Variants in JCAD observed in about 807,000 individuals in gnomAD.
JCAD encodes the protein junctional cadherin 5 associated.
A neutral mutation model predicts 98.0 loss-of-function variants in JCAD; 40 were observed. The ratio of observed to expected loss-of-function variants is 0.41; its 90% CI spans 0.32 to 0.53. The LOEUF (loss-of-function observed/expected upper bound fraction) is 0.53, where lower values mean the gene tolerates loss of function less well. Among genes scored for constraint, JCAD ranks in the 20% least tolerant of loss-of-function variants. The pLI is 0.31. For synonymous variants in JCAD, 691 were observed against 682.3 expected (o/e 1.01, Z -0.20); for missense variants, 1,705 against 1,738.1 (o/e 0.98, Z 0.34).
chr10:30,031,190 A>T (rs1836982407), intron 2 of JCAD, among the ~76,000 whole-genome samples: 3 of 152,176 alleles, frequency 2.0e-5, no homozygotes, highest in South Asian at 4.2e-4. Context: ...GCAGTGGTGT[A>T]ATCATGGCTC....
At chr10:30,090,800 C>T (rs952346535) in intron 1 of JCAD, among the ~76,000 whole-genome samples, 11 of 152,168 alleles carry the variant, frequency 7.2e-5, no homozygotes, top group Non-Finnish European at 5.9e-5. Context: ...CATTGTCTGT[C>T]CGTTAGCTTC....
chr10:30,053,268 TAAAAGTGA>T (rs1378681756), intron 1 of JCAD, among the ~76,000 whole-genome samples: 9 of 152,090 alleles, frequency 5.9e-5, no homozygotes, highest in African/African-American at 1.7e-4. Context: ...TTTCCCTTCT[TAAAAGTGA>T]TTAGCCAGGT....
intron 2 of JCAD, among the ~76,000 whole-genome samples, chr10:30,037,686 TAATA>T (rs1465434683): frequency 6.6e-6 from 1 of 152,058 alleles, no homozygotes; most frequent in Non-Finnish European, 1.5e-5. Flanking sequence ...AGAGGAAGCA[TAATA>T]AATTTGAGGA....
chr10:30,070,354 C>T (rs929638163), intron 1 of JCAD, among the ~76,000 whole-genome samples: 14 of 152,134 alleles, frequency 9.2e-5, no homozygotes, highest in Admixed American at 7.9e-4. Context: ...TCCCAGTCAG[C>T]GCTGATAAGA....
intron 1 of JCAD, among the ~76,000 whole-genome samples, chr10:30,082,444 C>T (rs565952770): frequency 5.3e-5 from 8 of 152,210 alleles, no homozygotes; most frequent in South Asian, 4.1e-4. Flanking sequence ...ATGGGCCGGG[C>T]GCAGTTGCTC....
intron 2 of JCAD, among the ~76,000 whole-genome samples, chr10:30,044,146 A>G (rs1589690960): frequency 1.3e-5 from 2 of 152,070 alleles, no homozygotes; most frequent in African/African-American, 4.8e-5. Context: ...CACCACCTTG[A>G]CCCTGGATTT....
chr10:30,064,151 C>T (rs1837747218), upstream of JCAD, among the ~76,000 whole-genome samples: 1 of 152,002 alleles, frequency 6.6e-6, no homozygotes, highest in Non-Finnish European at 1.5e-5. Flanking sequence ...AAGGTTCTGC[C>T]CTCATGAATG....
At chr10:30,020,144 T>C (rs140893008) in intron 3 of JCAD, among the ~76,000 whole-genome samples, 3 of 151,710 alleles carry the variant, frequency 2.0e-5, no homozygotes, top group African/African-American at 7.3e-5. Flanking sequence ...CTGGCCGACA[T>C]GGCGAAACCC....
At chr10:30,094,541 G>A (rs759544411) in intron 1 of JCAD, among the ~76,000 whole-genome samples, 1 of 152,128 alleles carries the variant, frequency 6.6e-6, no homozygotes, top group Non-Finnish European at 1.5e-5. Flanking sequence ...AAGGAACAAA[G>A]CCTCCCAGGT....
At position 30,059,500 on chromosome 10, in the gene JCAD, C is replaced by T. The variant is rs1837658665; in HGVS notation, c.-78G>A. ...GACTTACCGAGCGGCTCCCTCATGC[C>T]GCCTCGCGCCGCCACCGCCGCCGCT... On this transcript the variant is annotated 5_prime_UTR_variant, in exon 1 of 4. Transcript: ENST00000375377. This position sits in a 1 kb window ranked among gnomAD's most constrained non-coding sequence, Gnocchi z 5.0. 6.6e-6 allele frequency: 1 copy of T among 150,764 alleles called. No homozygotes were observed. The highest frequency in any genetic ancestry group is 6.6e-5 in the Admixed American group (1 of 15,126). The allele number at this position is 150,764 out of a possible 1,614,324, so 9.3% of individuals were successfully genotyped here. A position where few individuals can be genotyped will look rare whatever the true frequency, so the allele number is the denominator to read the frequency against.
At chr10:30,070,129 G>A (rs927824108) in intron 1 of JCAD, among the ~76,000 whole-genome samples, 3 of 152,090 alleles carry the variant, frequency 2.0e-5, no homozygotes, top group Non-Finnish European at 4.4e-5. Context: ...TTGGAGGAAG[G>A]CCACCCATAA....
intron 2 of JCAD, among the ~76,000 whole-genome samples, chr10:30,065,111 G>A (rs1837761751): frequency 6.6e-6 from 1 of 152,188 alleles, no homozygotes; most frequent in African/African-American, 2.4e-5. Flanking sequence ...GCCAGGAAGG[G>A]TGGGTTTGGA....
At chr10:30,111,739 TG>T (rs1185096899) in intron 1 of JCAD, among the ~76,000 whole-genome samples, 5 of 152,056 alleles carry the variant, frequency 3.3e-5, no homozygotes, top group African/African-American at 1.2e-4. Context: ...ATGAGGGAAA[TG>T]TGATTCAAAT....
chr10:30,045,203 C>T (rs976377821), intron 2 of JCAD, among the ~76,000 whole-genome samples: 5 of 152,078 alleles, frequency 3.3e-5, no homozygotes, highest in Admixed American at 6.6e-5. Context: ...ATGAGGTTGG[C>T]GGCCACACTG....
intron 1 of JCAD, among the ~76,000 whole-genome samples, chr10:30,090,443 G>A (rs922483997): frequency 4.6e-5 from 7 of 152,040 alleles, no homozygotes; most frequent in African/African-American, 1.7e-4. Context: ...TTGGAAGGCT[G>A]AGGCAGGAGA....
chr10:30,097,238 A>G (rs979387740), intron 1 of JCAD, among the ~76,000 whole-genome samples: 1 of 152,214 alleles, frequency 6.6e-6, no homozygotes, highest in African/African-American at 2.4e-5. Context: ...ATTAAAATTA[A>G]ATAGCCACAT....
upstream of JCAD, among the ~76,000 whole-genome samples, chr10:30,061,580 T>C (rs1837701722): frequency 6.6e-6 from 1 of 151,600 alleles, no homozygotes. Context: ...AAATAGTAGC[T>C]ACTACCATTA....
At chr10:30,044,676 G>GGTTT in intron 2 of JCAD, 1 of 111,768 alleles carries the variant, frequency 8.9e-6, no homozygotes, top group Admixed American at 1.6e-4. Flanking sequence ...AGCAGTATTG[G>GGTTT]CTTTTTTTTT....
Position 30,108,504 on chromosome 10 carries a change from A to G in JCAD, n.128+6863T>C, listed in dbSNP as rs189628022. 2.2e-4 allele frequency among the ~76,000 whole-genome samples: 34 copies of G among 152,290 alleles called. No homozygotes were observed. The East Asian group carries it at 4.0e-3, about 18-fold the overall frequency. ...GAATTTTATCAGAAAGATTGCAGGA[A>G]CAGAACCACAGTACACACTCAGAGT... is the stretch of plus-strand genomic sequence containing the variant. On this transcript the variant is annotated intron_variant and non_coding_transcript_variant, in intron 1 of 2. Coordinates refer to the JCAD transcript ENST00000465712.
Sources: allele counts gnomAD v4.1 joint callset (sites outside exome capture counted in the v4.1 genomes callset), GRCh38; gene constraint gnomAD v4.1.1; non-coding constraint Gnocchi (gnomAD v3.1); transcripts MANE v1.5; gene names NCBI Gene and HGNC (gene_info 2026-07-23, HGNC 2026-07-21).